Variants in USP26 observed in about 807,000 individuals in gnomAD.
USP26 encodes the protein ubiquitin specific peptidase 26.
For missense variants in USP26, 649 were observed against 642.3 expected, an observed-to-expected ratio of 1.01 and a Z score of -0.11; for synonymous variants, 236 against 240.6, an observed-to-expected ratio of 0.98 and a Z score of 0.18.
rs1475542498 is a variant in USP26, at chrX:133,023,831, G to A, written c.*1648C>T. Among the ~76,000 whole-genome samples, 2 of 111,727 alleles carry A rather than the reference G, an allele frequency of 1.8e-5. No homozygotes were observed. Among genetic ancestry groups the A allele is most frequent in the Non-Finnish European group, 3.8e-5 (2 of 53,148 alleles). On this transcript the variant is annotated 3_prime_UTR_variant, in exon 6 of 6. Transcript: ENST00000511190. The stretch of plus-strand genomic sequence containing the variant: ...AACTCACCTATTTTAAAGGACCCTA[G>A]GCTTAAGAGCATCAACAAGCTCTTG...
chrX:133,030,821 G>C (rs766392154), intron 5 of USP26, among the ~76,000 whole-genome samples: 1 of 112,065 alleles, frequency 8.9e-6, no homozygotes, highest in Non-Finnish European at 1.9e-5. Context: ...TTTCTTTCAA[G>C]TATTTTGGTG....
intron 4 of USP26, among the ~76,000 whole-genome samples, 187 bp from the exon 5 acceptor site, chrX:133,083,958 C>G (rs923327599): frequency 2.7e-5 from 3 of 111,715 alleles, no homozygotes; most frequent in African/African-American, 9.8e-5. Flanking sequence ...ACCAGAAGGA[C>G]CCATGCAAGG....
chrX:133,045,561 T>A (rs914180725), intron 5 of USP26, among the ~76,000 whole-genome samples: 1 of 111,294 alleles, frequency 9.0e-6, no homozygotes, highest in African/African-American at 3.3e-5. Flanking sequence ...ATCGCAAAGG[T>A]CTACACCTTC....
chrX:133,078,629 GACA>G (rs753534870), intron 5 of USP26, among the ~76,000 whole-genome samples: 6 of 112,097 alleles, frequency 5.4e-5, no homozygotes, highest in African/African-American at 1.9e-4. Context: ...CATAAAAATC[GACA>G]ACAAGCAAAA....
intron 5 of USP26, among the ~76,000 whole-genome samples, chrX:133,065,964 A>G (rs188618446): frequency 4.5e-5 from 5 of 111,954 alleles, no homozygotes; most frequent in Admixed American, 9.5e-5. Context: ...ATGATTGTAT[A>G]TCTAGAAAAC....
At position 133,027,229 on chromosome X, in the gene USP26, C is replaced by T. The variant is rs149243353; in HGVS notation, c.992G>A (p.Gly331Asp). The T allele has an allele frequency of 8.3e-6, 10 of 1,208,499 alleles. No homozygotes were observed. Among genetic ancestry groups the T allele is most frequent in the Non-Finnish European group, 1.0e-5 (9 of 894,205 alleles). ...DDLLNQSFPW[G>D]KIPLNALTMC... ...GGTAAGAGCATTAAGGGGAATTTTA[C>T]CCCATGGGAAACTCTGATTAAGTAA... The change falls in exon 6 of 6, where the codon GGT becomes GAT. Residue 331 changes from glycine to aspartate, a missense_variant. By Grantham distance (94) the Gly-to-Asp change is moderately conservative. Transcript: ENST00000511190.
intron 5 of USP26, among the ~76,000 whole-genome samples, chrX:133,079,448 T>C (rs1356649964): frequency 8.9e-6 from 1 of 111,967 alleles, no homozygotes; most frequent in Non-Finnish European, 1.9e-5. Context: ...AGTGGAAGAA[T>C]TTTTTTAAAT....
At position 133,026,894 on chromosome X, in the gene USP26, A is replaced by T; in HGVS notation, c.1327T>A (p.Leu443Met). 1 of 1,211,596 alleles carries T rather than the reference A, an allele frequency of 8.3e-7. No homozygotes were observed. Among genetic ancestry groups the T allele is most frequent in the Non-Finnish European group, 1.1e-6 (1 of 895,459 alleles). ...PVITNFELEL[L>M]HSIACKACGQ... is the part of the protein sequence containing the mutation. ...CAAGCTTTACAAGCAATGGAGTGCAACAACTCTAACTCAAAATTAGTAATG... is the reference window on the plus strand; with the variant it reads ...CAAGCTTTACAAGCAATGGAGTGCATCAACTCTAACTCAAAATTAGTAATG... The change falls in exon 6 of 6, where the codon TTG becomes ATG. Residue 443 changes from leucine (L) to methionine (M), a missense_variant. Leu to Met is a conservative substitution (Grantham distance 15). Transcript: ENST00000511190.
chrX:133,071,299 C>T (rs2067529713), intron 5 of USP26, among the ~76,000 whole-genome samples: 2 of 110,955 alleles, frequency 1.8e-5, no homozygotes, highest in Non-Finnish European at 3.8e-5. Context: ...AGCAAATGAA[C>T]ATCTGAAAGC....
intron 5 of USP26, among the ~76,000 whole-genome samples, chrX:133,056,492 A>G (rs1163097394): frequency 8.9e-6 from 1 of 111,858 alleles, no homozygotes; most frequent in Non-Finnish European, 1.9e-5. Flanking sequence ...TAGAAGCTAG[A>G]CTAGCAGCCC....
intron 5 of USP26, among the ~76,000 whole-genome samples, chrX:133,035,203 C>T (rs180856687): frequency 8.9e-6 from 1 of 112,153 alleles, no homozygotes; most frequent in Non-Finnish European, 1.9e-5. Context: ...AAAGCAAGTT[C>T]TACTCCCTCT....
intron 5 of USP26, among the ~76,000 whole-genome samples, chrX:133,054,006 T>A (rs2067468110): frequency 9.0e-6 from 1 of 111,699 alleles, no homozygotes; most frequent in Non-Finnish European, 1.9e-5. Flanking sequence ...TACAAGGAGT[T>A]GTGCTGGGCT....
chrX:133,026,106 A>G lies in USP26; in HGVS notation c.2115T>C (p.Ser705=), dbSNP rs1226254220. 1 of 1,208,304 alleles carries G rather than the reference A, an allele frequency of 8.3e-7. No homozygotes were observed. Among genetic ancestry groups the G allele is most frequent in the Admixed American group, 2.2e-5 (1 of 45,483 alleles). The part of the protein sequence containing the change: ...NPKRKKYVKT[S]KFVAFDRIIN... ...TAATCCTATCAAAAGCTACAAACTT[A>G]CTGGTTTTCACATATTTCTTTCGTT... Residue 705 remains serine (S), a synonymous_variant, in exon 6 of 6, where the codon AGT becomes AGC. Transcript: ENST00000511190.
intron 5 of USP26, among the ~76,000 whole-genome samples, chrX:133,061,377 C>CAA (rs1338654618): frequency 1.8e-5 from 2 of 112,520 alleles, no homozygotes; most frequent in African/African-American, 6.4e-5. Context: ...TTCTCTCAAT[C>CAA]ACTTTTAAGT....
intron 5 of USP26, among the ~76,000 whole-genome samples, chrX:133,069,773 C>T (rs968438964): frequency 1.8e-5 from 2 of 111,446 alleles, no homozygotes; most frequent in African/African-American, 6.5e-5. Context: ...CACACGTTTC[C>T]TAGGAGTTTA....
chrX:133,026,957 C>T lies in USP26; in HGVS notation c.1264G>A (p.Ala422Thr). ...AACCCACTGGTGTCAGGATCATCAG[C>T]AAAAACCTGTTTAGGAAAATTATCT... ...GEDNFPKQVFADDPDTSGFSC... is the reference protein window; with the variant it reads ...GEDNFPKQVFTDDPDTSGFSC... The change falls in exon 6 of 6, where the codon GCT (alanine) becomes ACT (threonine). Residue 422 changes from alanine (A) to threonine (T), a missense_variant. Coordinates refer to ENST00000511190, the MANE Select transcript of USP26 (RefSeq NM_031907.3). 8.3e-7 allele frequency: 1 copy of T among 1,211,175 alleles called. No individual in the cohort carries two copies. Among genetic ancestry groups the T allele is most frequent in the Non-Finnish European group, 1.1e-6 (1 of 895,311 alleles).
chrX:133,031,487 G>A (rs1353560413), intron 5 of USP26, among the ~76,000 whole-genome samples: 1 of 111,428 alleles, frequency 9.0e-6, no homozygotes, highest in Non-Finnish European at 1.9e-5. Flanking sequence ...ACTTACATTG[G>A]ATTTCTTAAG....
At chrX:133,057,866 A>ATATAGATATATTT (rs1412413450) in intron 5 of USP26, among the ~76,000 whole-genome samples, 1 of 9,329 alleles carries the variant, frequency 1.1e-4, no homozygotes, top group Non-Finnish European at 1.6e-4. Flanking sequence ...ATATATATAT[A>ATATAGATATATTT]TTTTTTTTTT....
intron 5 of USP26, among the ~76,000 whole-genome samples, chrX:133,039,149 G>C (rs368425440): frequency 1.7e-4 from 19 of 110,056 alleles, no homozygotes; most frequent in African/African-American, 5.6e-4. Context: ...ACAGTTTTTC[G>C]TGTCTCTATC....
Sources: gnomAD v4.1 joint callset for allele counts (sites outside exome capture counted in the v4.1 genomes callset) on GRCh38, gnomAD v4.1.1 for gene constraint, MANE v1.5 for transcripts, NCBI Gene and HGNC (gene_info 2026-07-23, HGNC 2026-07-21) for gene names.